Variants in HERC1 observed in about 807,000 individuals in gnomAD.
HERC1 encodes the protein probable E3 ubiquitin-protein ligase HERC1.
HERC1 carries 160 observed loss-of-function variants against 554.3 expected under a neutral mutation model. That is an observed-to-expected ratio of 0.29 (90% CI 0.25 to 0.33). HERC1 has a LOEUF of 0.33. Among genes scored for constraint, HERC1 ranks in the 10% least tolerant of loss-of-function variants. HERC1 has a pLI of 1.00. For missense variants in HERC1, 4,919 were observed against 5,918.5 expected (o/e 0.83, Z 5.54); for synonymous variants, 2,175 against 2,131.7 (o/e 1.02, Z -0.56).
At chr15:63,659,063 G>A (rs1000476797) in intron 47 of HERC1, among the ~76,000 whole-genome samples, 6 of 151,994 alleles carry the variant, frequency 3.9e-5, no homozygotes, top group Non-Finnish European at 5.9e-5. Context: ...TACCAATACT[G>A]CCCAATTCTT....
intron 10 of HERC1, 59 bp from the exon 11 acceptor site, chr15:63,747,917 T>C: frequency 5.4e-6 from 8 of 1,480,612 alleles, no homozygotes; most frequent in Non-Finnish European, 9.0e-7. Context: ...TTATGCACGA[T>C]CAAAAACGAA....
chr15:63,704,162 C>A (rs2068214960), intron 25 of HERC1, among the ~76,000 whole-genome samples: 1 of 152,084 alleles, frequency 6.6e-6, no homozygotes, highest in Non-Finnish European at 1.5e-5. Context: ...AACAAAAAAA[C>A]CCTACTGTGT....
intron 34 of HERC1, among the ~76,000 whole-genome samples, chr15:63,682,750 G>C (rs1374402500): frequency 6.6e-6 from 1 of 152,028 alleles, no homozygotes; most frequent in Non-Finnish European, 1.5e-5. Context: ...CTAGAGGTTT[G>C]AGTAAACTTA....
rs1446061554 is a variant in HERC1, at chr15:63,630,639, A to G, written c.12797-4T>C. 6.2e-7 allele frequency: 1 copy of G among 1,606,764 alleles called. No individual in the cohort carries two copies. Among genetic ancestry groups the G allele is most frequent in the Non-Finnish European group, 8.5e-7 (1 of 1,176,900 alleles). On this transcript the variant is annotated splice_region_variant and splice_polypyrimidine_tract_variant and intron_variant, in intron 68 of 77. Transcript: ENST00000443617. ...TCTGGCAAGCCTATCAGGCGATCTG[A>G]AAAAAACAAAACAAAAACATGTGGA...
chr15:63,765,687 T>C (rs2075753503), intron 2 of HERC1, among the ~76,000 whole-genome samples: 1 of 151,996 alleles, frequency 6.6e-6, no homozygotes, highest in African/African-American at 2.4e-5. Flanking sequence ...GCCCCCCACC[T>C]CGAGTTATCC....
intron 1 of HERC1, among the ~76,000 whole-genome samples, chr15:63,809,416 G>C (rs1010541626): frequency 6.6e-6 from 1 of 152,176 alleles, no homozygotes; most frequent in African/African-American, 2.4e-5. Context: ...ATACAAAGCA[G>C]TGCTCCTAAA....
At position 63,658,729 on chromosome 15, in the gene HERC1, T is replaced by G; in HGVS notation, c.9425-11A>C. ...CGGAGCCATGGCAACCTGAAAAACA[T>G]AATTCTGTTTTGTTCTCAACAAGGT... On this transcript the variant is annotated splice_polypyrimidine_tract_variant and intron_variant, in intron 47 of 77. Coordinates refer to ENST00000443617, the MANE Select transcript of HERC1 (RefSeq NM_003922.4). The G allele has an allele frequency of 6.2e-7, 1 of 1,601,042 alleles. No homozygotes were observed. The highest frequency in any genetic ancestry group is 8.5e-7 in the Non-Finnish European group (1 of 1,171,110).
intron 1 of HERC1, among the ~76,000 whole-genome samples, chr15:63,809,611 T>G (rs530405995): frequency 2.6e-4 from 40 of 152,230 alleles, no homozygotes; most frequent in African/African-American, 9.2e-4. Flanking sequence ...AATATGGGCC[T>G]AAAATAAAAG....
At chr15:63,621,646 T>C (rs546108537) in intron 74 of HERC1, among the ~76,000 whole-genome samples, 2 of 152,330 alleles carry the variant, frequency 1.3e-5, no homozygotes, top group South Asian at 2.1e-4. Context: ...GTAGATTTGG[T>C]CTTTTCACAT....
At chr15:63,690,033 A>G (rs961865248) in intron 32 of HERC1, among the ~76,000 whole-genome samples, 2 of 152,012 alleles carry the variant, frequency 1.3e-5, no homozygotes, top group African/African-American at 4.8e-5. Context: ...GCATGGTAGC[A>G]TGTGCCTATA....
intron 12 of HERC1, among the ~76,000 whole-genome samples, chr15:63,741,717 A>C (rs1273732806): frequency 6.6e-6 from 1 of 152,210 alleles, no homozygotes; most frequent in African/African-American, 2.4e-5. Flanking sequence ...GTGGGTATAC[A>C]GTTGTCCAAG....
intron 25 of HERC1, among the ~76,000 whole-genome samples, chr15:63,704,473 TG>T (rs1199486095): frequency 6.6e-6 from 1 of 152,196 alleles, no homozygotes; most frequent in African/African-American, 2.4e-5. Flanking sequence ...AACTATAAAT[TG>T]GATTTCTTAT....
Position 63,749,308 on chromosome 15 carries a change from A to T in HERC1, c.2219+59T>A. 7.8e-7 allele frequency: 1 copy of T among 1,288,718 alleles called. No individual in the cohort carries two copies. Among genetic ancestry groups the T allele is most frequent in the Non-Finnish European group, 1.1e-6 (1 of 932,498 alleles). The allele number at this position is 1,288,718 out of a possible 1,614,324, so 79.8% of individuals were successfully genotyped here. ...TATTTCTGTTTTTATTAGTGTTTCT[A>T]CTTTTTATTGGTGTTTATGTTAAAA... On this transcript the variant is annotated intron_variant, in intron 10 of 77. Coordinates refer to ENST00000443617, the MANE Select transcript of HERC1 (RefSeq NM_003922.4). The surrounding 1 kb of genome is among the most constrained non-coding windows in gnomAD (Gnocchi z 4.1).
intron 14 of HERC1, among the ~76,000 whole-genome samples, chr15:63,730,425 C>CT (rs1287775180): frequency 6.6e-6 from 1 of 152,058 alleles, no homozygotes; most frequent in Non-Finnish European, 1.5e-5. Flanking sequence ...TGCCACTGCA[C>CT]TCCAGCCTGG....
At chr15:63,792,838 A>C (rs1459160563) in intron 1 of HERC1, among the ~76,000 whole-genome samples, 1 of 152,152 alleles carries the variant, frequency 6.6e-6, no homozygotes, top group Non-Finnish European at 1.5e-5. Flanking sequence ...TCAGTCCTAG[A>C]AAACTGTCTC....
rs576675769 is a variant in HERC1 at position 63,747,716 on chromosome 15, T to C, written c.2354+8A>G. The C allele has an allele frequency of 1.6e-5, 25 of 1,515,548 alleles. No individual in the cohort carries two copies. The South Asian group carries it at 2.2e-4, about 13-fold the overall frequency. The allele number at this position is 1,515,548 out of a possible 1,614,324, so 93.9% of individuals were successfully genotyped here. A position where few individuals can be genotyped will look rare whatever the true frequency, so the allele number is the denominator to read the frequency against. ...CACACAAAGATACAAAACATACATA[T>C]AACATACCTTGATGAAGGGAAAGGG... is the stretch of plus-strand genomic sequence containing the variant. On this transcript the variant is annotated splice_region_variant and intron_variant, in intron 11 of 77. Coordinates refer to ENST00000443617, the MANE Select transcript of HERC1 (RefSeq NM_003922.4).
chr15:63,649,594 C>A, intron 54 of HERC1, 131 bp downstream of exon 54: 1 of 688,322 alleles, frequency 1.5e-6, no homozygotes, highest in Non-Finnish European at 2.5e-6. Context: ...AAAATTAAAA[C>A]ATGACTGGAA....
chr15:63,801,191 C>T (rs142876852), intron 1 of HERC1, among the ~76,000 whole-genome samples: 1 of 152,212 alleles, frequency 6.6e-6, no homozygotes, highest in African/African-American at 2.4e-5. Flanking sequence ...TATAATAAAC[C>T]AGTCATTGTA....
At chr15:63,687,457 G>T (rs2071835478) in intron 33 of HERC1, among the ~76,000 whole-genome samples, 1 of 151,986 alleles carries the variant, frequency 6.6e-6, no homozygotes, top group South Asian at 2.1e-4. Context: ...AGAATCGCTT[G>T]AACCGGGGAG....
Sources: gnomAD v4.1 joint callset for allele counts (sites outside exome capture counted in the v4.1 genomes callset) on GRCh38, gnomAD v4.1.1 for gene constraint, Gnocchi (gnomAD v3.1) non-coding constraint, MANE v1.5 for transcripts, NCBI Gene and HGNC (gene_info 2026-07-23, HGNC 2026-07-21) for gene names.